Variants in RIC3 observed in about 807,000 individuals in gnomAD.
RIC3 encodes the protein RIC3 acetylcholine receptor chaperone, also known as protein RIC-3.
A neutral mutation model predicts 27.3 loss-of-function variants in RIC3; 28 were observed. That is an observed-to-expected ratio of 1.02 (90% CI 0.76 to 1.41). RIC3 has a LOEUF of 1.41. Among genes scored for constraint, RIC3 ranks in the 40% most tolerant of loss-of-function variants. The probability of loss-of-function intolerance (pLI) is 0.00; values close to 1 mark genes in which losing one functional copy is unlikely to be tolerated. For missense variants in RIC3, 501 were observed against 444.7 expected, an observed-to-expected ratio of 1.13 and a Z score of -1.14; for synonymous variants, 184 against 160.4, an observed-to-expected ratio of 1.15 and a Z score of -1.11.
chr11:8,120,030 T>A (rs1946270337), intron 5 of RIC3, among the ~76,000 whole-genome samples: 1 of 152,126 alleles, frequency 6.6e-6, no homozygotes, highest in African/African-American at 2.4e-5. Flanking sequence ...CGTTAAAAAG[T>A]AAGGAAATAA....
chr11:8,119,970 C>G (rs1222126763), intron 5 of RIC3, among the ~76,000 whole-genome samples: 1 of 152,152 alleles, frequency 6.6e-6, no homozygotes, highest in Non-Finnish European at 1.5e-5. Context: ...CAGAGAAATG[C>G]AAATCAAAAC....
chr11:8,105,345 A>G (rs1426351278), downstream of RIC3: 3 of 152,202 alleles, frequency 2.0e-5, no homozygotes, highest in Non-Finnish European at 4.4e-5. Context: ...GGGACTCTAT[A>G]CTACCCTGGG....
At chr11:8,118,327 TAACCAAAACA>T (rs1234090631) in intron 5 of RIC3, among the ~76,000 whole-genome samples, 1 of 149,254 alleles carries the variant, frequency 6.7e-6, no homozygotes, top group East Asian at 2.0e-4. Context: ...GGAACAAAAC[TAACCAAAACA>T]AACAATGCCA....
intron 5 of RIC3, among the ~76,000 whole-genome samples, chr11:8,111,694 G>A (rs960826820): frequency 1.3e-5 from 2 of 152,180 alleles, no homozygotes; most frequent in African/African-American, 4.8e-5. Flanking sequence ...ATCCCGAAAG[G>A]ACAAGCACTG....
chr11:8,099,349 A>G, the RIC3 span, among the ~76,000 whole-genome samples: 1 of 152,174 alleles, frequency 6.6e-6, no homozygotes, highest in African/African-American at 2.4e-5. Context: ...ACTGGAATAT[A>G]AATATAGGGG....
intron 1 of RIC3, among the ~76,000 whole-genome samples, chr11:8,158,731 T>TTTTG (rs3055451): frequency 0.33 from 23,870 of 72,612 alleles, 6,154 homozygotes; most frequent in African/African-American, 0.59. Flanking sequence ...TTAAGAAGTT[T>TTTTG]TTTGTTTGTT....
intron 2 of RIC3, chr11:8,138,975 T>C (rs1372407405): frequency 6.5e-6 from 1 of 154,582 alleles, no homozygotes; most frequent in African/African-American, 2.4e-5. Context: ...AGGTTATAAA[T>C]GACCCTGTCT....
chr11:8,156,035 T>A (rs1950624348), intron 1 of RIC3, among the ~76,000 whole-genome samples: 1 of 152,214 alleles, frequency 6.6e-6, no homozygotes, highest in African/African-American at 2.4e-5. Context: ...ATTTCTTTCA[T>A]CTTTTATCAA....
In RIC3 at chr11:8,137,423, G is replaced by C. The variant is rs1353110496; in HGVS notation, c.476C>G (p.Ala159Gly). Reference sequence around the variant, plus strand: ...TCTGTTGATTAATTTTTCCATGGCTGCTTCTGTCTCCTTCAGTTTTTCTTG... The same window carrying C: ...TCTGTTGATTAATTTTTCCATGGCTCCTTCTGTCTCCTTCAGTTTTTCTTG... ...QLQEKLKETEAAMEKLINRVG... is the reference protein window; with the variant it reads ...QLQEKLKETEGAMEKLINRVG... Residue 159 changes from alanine to glycine, a missense_variant, in exon 4 of 6, where the codon GCA becomes GGA. Physicochemically the swap from Ala to Gly is moderately conservative, Grantham distance 60. Transcript: ENST00000309737. The C allele has an allele frequency of 9.3e-6, 15 of 1,613,934 alleles. No individual in the cohort carries two copies. The African/African-American group carries it at 1.9e-4, about 20-fold the overall frequency.
the RIC3 span, among the ~76,000 whole-genome samples, chr11:8,097,045 G>A: frequency 1.3e-5 from 2 of 152,100 alleles, no homozygotes; most frequent in Non-Finnish European, 2.9e-5. Flanking sequence ...CCACCTCTAG[G>A]AACTGTTGAG....
chr11:8,111,279 G>A, intron 5 of RIC3, 142 bp from the exon 6 acceptor site: 1 of 651,316 alleles, frequency 1.5e-6, no homozygotes, highest in Non-Finnish European at 2.6e-6. Flanking sequence ...GATTCCAATA[G>A]TTCTAAAGTT....
rs573750763 is a variant in RIC3 at position 8,157,640 on chromosome 11, T to C, written c.124+11226A>G. On this transcript the variant is annotated intron_variant, in intron 1 of 5. Transcript: ENST00000309737. ...AGGGCAGGCTCTGGATCTTGCCTACTACAATCTTTGCTGACCTGATTTGGA... is the reference window on the plus strand; with the variant it reads ...AGGGCAGGCTCTGGATCTTGCCTACCACAATCTTTGCTGACCTGATTTGGA... 2.6e-5 allele frequency among the ~76,000 whole-genome samples: 4 copies of C among 152,342 alleles called. No individual in the cohort carries two copies. The South Asian group carries it at 6.2e-4, about 24-fold the overall frequency.
rs544961392 is a variant in RIC3 at position 8,144,882 on chromosome 11, G to C, written c.125-4689C>G. On this transcript the variant is annotated intron_variant, in intron 1 of 5. Transcript: ENST00000309737. The stretch of plus-strand genomic sequence containing the variant: ...ATGAAGAGTTCATGTCCTTTGTAGG[G>C]ACATGGATGAAATTGGAAATCATCA... Among the ~76,000 whole-genome samples, 179 of 151,596 alleles carry C rather than the reference G, an allele frequency of 1.2e-3. No individual in the cohort carries two copies. The Middle Eastern group carries it at 0.014, about 12-fold the overall frequency.
chr11:8,122,863 G>GC (rs1946608481), intron 5 of RIC3, among the ~76,000 whole-genome samples: 1 of 44,276 alleles, frequency 2.3e-5, no homozygotes, highest in African/African-American at 1.2e-4. Context: ...TACCAGGTAT[G>GC]CAAAAAAAAA....
the RIC3 span, chr11:8,100,443 C>G: frequency 6.4e-5 from 87 of 1,350,300 alleles, no homozygotes; most frequent in African/African-American, 1.6e-4. Context: ...CCGTCCCCCC[C>G]ACCTTCTCCA....
chr11:8,164,229 T>C (rs1049818034), intron 1 of RIC3, among the ~76,000 whole-genome samples: 2 of 152,118 alleles, frequency 1.3e-5, no homozygotes, highest in Admixed American at 1.3e-4. Context: ...ACTATAAAAC[T>C]TGAAAACATA....
Position 8,126,797 on chromosome 11 carries a change from T to C in RIC3, c.532A>G (p.Thr178Ala). 6.2e-7 allele frequency: 1 copy of C among 1,614,102 alleles called. No homozygotes were observed. Among genetic ancestry groups the C allele is most frequent in the Non-Finnish European group, 8.5e-7 (1 of 1,180,018 alleles). Residue 178 changes from threonine (T) to alanine (A), a missense_variant, in exon 5 of 6, where the codon ACT becomes GCT. Physicochemically the swap from Thr to Ala is moderately conservative, Grantham distance 58. Transcript: ENST00000309737. ...CGTTTCTCTTGGTCAGAAGTCACAG[T>C]CTGTGCTCTGCTTAGAAATATCAGA... Reference protein sequence around the residue: ...VGPNGESRAQTVTSDQEKRLL... With the variant: ...VGPNGESRAQAVTSDQEKRLL...
chr11:8,119,545 C>A (rs559734880), intron 5 of RIC3, among the ~76,000 whole-genome samples: 7 of 152,228 alleles, frequency 4.6e-5, no homozygotes, highest in African/African-American at 1.2e-4. Context: ...AAAATTAATT[C>A]AAGATGGATT....
At position 8,106,069 on chromosome 11, in the gene RIC3, G is replaced by A. The variant is rs764584550; in HGVS notation, c.*4629C>T. On this transcript the variant is annotated 3_prime_UTR_variant, in exon 6 of 6. Coordinates refer to ENST00000309737, the MANE Select transcript of RIC3 (RefSeq NM_001206671.4). ...GTTTTAGACAAATTTGCAAAACTGT[G>A]CTTTTATTGACTTTTTGAATAAACT... The A allele has an allele frequency of 5.9e-5, 9 of 152,148 alleles. No homozygotes were observed. Among genetic ancestry groups the A allele is most frequent in the Non-Finnish European group, 1.2e-4 (8 of 68,028 alleles). 9.4% of individuals were successfully genotyped at this position (152,148 alleles called of 1,614,324 possible). A position where few individuals can be genotyped will look rare whatever the true frequency, so the allele number is the denominator to read the frequency against.
Sources: allele counts gnomAD v4.1 joint callset (sites outside exome capture counted in the v4.1 genomes callset), GRCh38; gene constraint gnomAD v4.1.1; transcripts MANE v1.5; gene names NCBI Gene and HGNC (gene_info 2026-07-23, HGNC 2026-07-21).